Variants in TAFA1 observed in about 807,000 individuals in gnomAD.
The protein encoded by TAFA1 is chemokine-like protein TAFA-1.
A neutral mutation model predicts 18.5 loss-of-function variants in TAFA1; 4 were observed. The ratio of observed to expected loss-of-function variants is 0.22; its 90% CI spans 0.11 to 0.49. The LOEUF (loss-of-function observed/expected upper bound fraction) is 0.49, where lower values mean the gene tolerates loss of function less well. Among genes scored for constraint, TAFA1 ranks in the 20% least tolerant of loss-of-function variants. TAFA1 has a pLI of 0.98. For synonymous variants in TAFA1, 56 were observed against 55.2 expected (o/e 1.01, Z -0.06); for missense variants, 147 against 169.0 (o/e 0.87, Z 0.72).
intron 3 of TAFA1, among the ~76,000 whole-genome samples, chr3:68,433,953 G>T (rs1457874498): frequency 6.6e-6 from 1 of 152,050 alleles, no homozygotes; most frequent in Non-Finnish European, 1.5e-5. Flanking sequence ...CTTGAGCATT[G>T]TTTATGTGTA....
intron 2 of TAFA1, among the ~76,000 whole-genome samples, chr3:68,168,279 A>C (rs551392240): frequency 2.4e-4 from 37 of 152,364 alleles, no homozygotes; most frequent in Non-Finnish European, 4.6e-4. Flanking sequence ...TGATGAATAA[A>C]TGTGTCTCTA....
chr3:68,203,376 GT>G, intron 2 of TAFA1, among the ~76,000 whole-genome samples: 1 of 151,746 alleles, frequency 6.6e-6, no homozygotes, highest in Non-Finnish European at 1.5e-5. Context: ...GTCATTTTCT[GT>G]TTGTTAATTC....
At chr3:68,496,201 A>AGCCAGGATATTGTGGTAGATAGTT (rs2072546265) in intron 3 of TAFA1, among the ~76,000 whole-genome samples, 1 of 152,176 alleles carries the variant, frequency 6.6e-6, no homozygotes, top group Non-Finnish European at 1.5e-5. Flanking sequence ...TTAGGAAAAC[A>AGCCAGGATATTGTGGTAGATAGTT]GCCAGGATAT....
At chr3:68,247,824 G>A (rs1302715108) in intron 2 of TAFA1, 4 of 152,156 alleles carry the variant, frequency 2.6e-5, no homozygotes. Flanking sequence ...GTTGAGCTCT[G>A]AGCTCTCCTG....
At chr3:68,481,395 G>A (rs1417460845) in intron 3 of TAFA1, among the ~76,000 whole-genome samples, 1 of 152,148 alleles carries the variant, frequency 6.6e-6, no homozygotes, top group African/African-American at 2.4e-5. Flanking sequence ...GTGGTGTCTT[G>A]CTCAAACTGC....
chr3:68,414,578 T>C (rs1476661354), intron 2 of TAFA1, among the ~76,000 whole-genome samples: 1 of 152,110 alleles, frequency 6.6e-6, no homozygotes, highest in Admixed American at 6.5e-5. Flanking sequence ...GACAATACCT[T>C]GTAAAGTTGC....
intron 3 of TAFA1, among the ~76,000 whole-genome samples, chr3:68,522,044 G>A (rs1433586666): frequency 1.3e-5 from 2 of 151,088 alleles, no homozygotes; most frequent in Admixed American, 6.6e-5. Context: ...ATGGGGTCTC[G>A]CTTTGTTGCT....
intron 2 of TAFA1, among the ~76,000 whole-genome samples, chr3:68,148,584 CGTTTGGCCTGTGTCTGTGTAGCTTCTCAG>C (rs1333864756): frequency 6.6e-6 from 1 of 152,174 alleles, no homozygotes; most frequent in African/African-American, 2.4e-5. Flanking sequence ...TTCAGAAAAG[CGTTTGGCCTGTGTCTGTGTAGCTTCTCAG>C]CGCTGTCTTT....
At chr3:68,488,419 G>A (rs1422621869) in intron 3 of TAFA1, among the ~76,000 whole-genome samples, 45 of 152,186 alleles carry the variant, frequency 3.0e-4, no homozygotes, top group Admixed American at 2.8e-3. Context: ...TGACTCAAAT[G>A]TTAATCTTCT....
At chr3:68,019,701 G>A (rs907446675) in intron 2 of TAFA1, among the ~76,000 whole-genome samples, 1 of 152,030 alleles carries the variant, frequency 6.6e-6, no homozygotes, top group Admixed American at 6.6e-5. Context: ...AACATGTTAG[G>A]TAGAAATTGC....
intron 2 of TAFA1, among the ~76,000 whole-genome samples, chr3:68,344,307 C>A (rs1029904677): frequency 1.3e-5 from 2 of 152,124 alleles, no homozygotes; most frequent in Non-Finnish European, 2.9e-5. Flanking sequence ...TGGGGGCCTA[C>A]TGTACACAGT....
rs3037411 is a variant in TAFA1, at chr3:68,490,840, C to CT, written c.260-47906dup. On this transcript the variant is annotated intron_variant, in intron 3 of 4. Coordinates refer to ENST00000478136, the MANE Select transcript of TAFA1 (RefSeq NM_213609.4). The stretch of plus-strand genomic sequence containing the variant: ...TCCTCTACAATTTTTTCTTTTTTTT[C>CT]TTTTTTTTTTGTGGGGGGGACAGGG... 8.0e-4 allele frequency among the ~76,000 whole-genome samples: 118 copies of CT among 147,470 alleles called. No homozygotes were observed. The East Asian group carries it at 9.7e-3, about 12-fold the overall frequency.
chr3:68,474,746 A>G (rs1352976232), intron 3 of TAFA1, among the ~76,000 whole-genome samples: 2 of 152,218 alleles, frequency 1.3e-5, no homozygotes, highest in Non-Finnish European at 2.9e-5. Context: ...CTGAAAAGGC[A>G]TATAAGAAAT....
At chr3:68,066,410 G>A (rs2064678792) in intron 2 of TAFA1, among the ~76,000 whole-genome samples, 1 of 152,142 alleles carries the variant, frequency 6.6e-6, no homozygotes, top group Non-Finnish European at 1.5e-5. Context: ...TGCAAAGAAG[G>A]CATATACACC....
intron 3 of TAFA1, among the ~76,000 whole-genome samples, chr3:68,516,478 GT>G (rs2072922691): frequency 6.6e-6 from 1 of 152,182 alleles, no homozygotes; most frequent in African/African-American, 2.4e-5. Flanking sequence ...ATATGTTGCA[GT>G]TCCTTCATAT....
At chr3:68,239,918 A>G (rs997093287) in intron 2 of TAFA1, among the ~76,000 whole-genome samples, 15 of 152,244 alleles carry the variant, frequency 9.9e-5, no homozygotes, top group Non-Finnish European at 2.9e-5. Flanking sequence ...CCTTATAAAT[A>G]AATGGTGTTT....
At chr3:68,052,642 T>C (rs181768188) in intron 2 of TAFA1, among the ~76,000 whole-genome samples, 2 of 152,352 alleles carry the variant, frequency 1.3e-5, no homozygotes, top group Admixed American at 1.3e-4. Context: ...TCATTCACTT[T>C]ATTTGTTATT....
At chr3:68,123,019 ATCTG>A (rs1199269661) in intron 2 of TAFA1, among the ~76,000 whole-genome samples, 5 of 151,582 alleles carry the variant, frequency 3.3e-5, no homozygotes, top group Non-Finnish European at 7.4e-5. Flanking sequence ...TTTTCCAAAA[ATCTG>A]TCTGTAGATT....
At chr3:68,513,381 C>A (rs2072877969) in intron 3 of TAFA1, among the ~76,000 whole-genome samples, 1 of 152,048 alleles carries the variant, frequency 6.6e-6, no homozygotes, top group Non-Finnish European at 1.5e-5. Context: ...TAGCCACTAG[C>A]CATATGTGGC....
Sources: gnomAD v4.1 joint callset for allele counts (sites outside exome capture counted in the v4.1 genomes callset) on GRCh38, gnomAD v4.1.1 for gene constraint, MANE v1.5 for transcripts, NCBI Gene and HGNC (gene_info 2026-07-23, HGNC 2026-07-21) for gene names.